GRM7: variants seen among roughly 807,000 people sequenced by gnomAD.
The protein encoded by GRM7 is glutamate metabotropic receptor 7.
GRM7 carries 35 observed loss-of-function variants against 84.5 expected under a neutral mutation model. The ratio of observed to expected loss-of-function variants is 0.41; its 90% CI spans 0.32 to 0.55. The LOEUF (loss-of-function observed/expected upper bound fraction) is 0.55, where lower values mean the gene tolerates loss of function less well. Among genes scored for constraint, GRM7 ranks in the 20% least tolerant of loss-of-function variants. The pLI is 0.19. For missense variants in GRM7, 1,003 were observed against 1,194.6 expected, an observed-to-expected ratio of 0.84 and a Z score of 2.36; for synonymous variants, 487 against 455.1, an observed-to-expected ratio of 1.07 and a Z score of -0.89.
intron 1 of GRM7, among the ~76,000 whole-genome samples, chr3:7,047,027 G>A (rs1696828219): frequency 6.6e-6 from 1 of 151,958 alleles, no homozygotes; most frequent in African/African-American, 2.4e-5. Flanking sequence ...CAGATCCAAG[G>A]ATGAAATTAG....
intron 7 of GRM7, among the ~76,000 whole-genome samples, chr3:7,576,183 T>C (rs995953313): frequency 6.6e-6 from 1 of 152,224 alleles, no homozygotes; most frequent in Non-Finnish European, 1.5e-5. Flanking sequence ...ACTCTTGAAA[T>C]TTGACATTTG....
intron 7 of GRM7, among the ~76,000 whole-genome samples, chr3:7,488,483 G>C (rs1699402833): frequency 6.6e-6 from 1 of 152,170 alleles, no homozygotes; most frequent in Admixed American, 6.5e-5. Context: ...AGTCTCACAG[G>C]AGTGAGTGAG....
chr3:7,739,076 T>C (rs1407959555), intron 9 of GRM7, among the ~76,000 whole-genome samples: 1 of 152,204 alleles, frequency 6.6e-6, no homozygotes, highest in East Asian at 1.9e-4. Flanking sequence ...TTTTGTATTT[T>C]AGTTAATAAA....
chr3:7,332,071 G>A (rs575212800), intron 4 of GRM7, among the ~76,000 whole-genome samples: 95 of 152,210 alleles, frequency 6.2e-4, no homozygotes, highest in East Asian at 3.5e-3. Flanking sequence ...TTTTCCTTTC[G>A]TCTAGAGTAG....
intron 7 of GRM7, among the ~76,000 whole-genome samples, chr3:7,479,419 G>A (rs376254868): frequency 2.6e-4 from 40 of 152,020 alleles, no homozygotes; most frequent in African/African-American, 8.4e-4. Flanking sequence ...CAAAGAGTGC[G>A]CCACGTTAGC....
At chr3:7,387,639 G>C (rs1413608572) in intron 4 of GRM7, among the ~76,000 whole-genome samples, 1 of 151,986 alleles carries the variant, frequency 6.6e-6, no homozygotes, top group Non-Finnish European at 1.5e-5. Context: ...CTGTTCCATT[G>C]GTCTAAGTGT....
intron 1 of GRM7, among the ~76,000 whole-genome samples, chr3:6,905,359 T>G (rs1214774585): frequency 1.3e-5 from 2 of 152,200 alleles, no homozygotes; most frequent in African/African-American, 4.8e-5. Context: ...TTTGTTGATA[T>G]TACAAGTGTA....
intron 1 of GRM7, among the ~76,000 whole-genome samples, chr3:7,087,702 T>G (rs1698509536): frequency 6.6e-6 from 1 of 151,462 alleles, no homozygotes; most frequent in Non-Finnish European, 1.5e-5. Context: ...CTGAAAGCTC[T>G]CTAGGGCAGG....
chr3:7,059,750 TA>T (rs1697364280), intron 1 of GRM7, among the ~76,000 whole-genome samples: 1 of 151,736 alleles, frequency 6.6e-6, no homozygotes, highest in South Asian at 2.1e-4. Context: ...AGTGCTCTTA[TA>T]AAAGTGACCC....
intron 8 of GRM7, among the ~76,000 whole-genome samples, chr3:7,584,714 C>G (rs565140613): frequency 6.6e-6 from 1 of 152,266 alleles, no homozygotes; most frequent in Non-Finnish European, 1.5e-5. Context: ...GCTTAAGGGA[C>G]TGGAAAAGAT....
intron 2 of GRM7, among the ~76,000 whole-genome samples, chr3:7,289,949 T>A (rs1699562911): frequency 1.3e-5 from 2 of 151,952 alleles, no homozygotes; most frequent in Admixed American, 1.3e-4. Flanking sequence ...ATGGCACATG[T>A]ATACATATGT....
At chr3:7,463,737 C>T (rs1698347311) in intron 7 of GRM7, among the ~76,000 whole-genome samples, 1 of 152,034 alleles carries the variant, frequency 6.6e-6, no homozygotes, top group African/African-American at 2.4e-5. Context: ...ATGATTTAAT[C>T]AGCAAGGAAA....
intron 1 of GRM7, among the ~76,000 whole-genome samples, chr3:7,105,680 TTTTC>T (rs1699268112): frequency 6.6e-6 from 1 of 151,892 alleles, no homozygotes; most frequent in South Asian, 2.1e-4. Flanking sequence ...TTTCCCTTAA[TTTTC>T]TTTCTTTCTT....
intron 8 of GRM7, among the ~76,000 whole-genome samples, chr3:7,603,968 A>G (rs973695726): frequency 6.6e-6 from 1 of 152,188 alleles, no homozygotes; most frequent in African/African-American, 2.4e-5. Context: ...GGGATAGGGG[A>G]CAGAGAAGTC....
intron 1 of GRM7, among the ~76,000 whole-genome samples, chr3:7,077,509 G>A (rs2124992438): frequency 6.6e-6 from 1 of 151,346 alleles, no homozygotes; most frequent in South Asian, 2.1e-4. Context: ...ACTCATAAGT[G>A]GGAGTTGAAC....
At chr3:7,348,026 T>C (rs111960901) in intron 4 of GRM7, among the ~76,000 whole-genome samples, 34 of 152,300 alleles carry the variant, frequency 2.2e-4, no homozygotes, top group African/African-American at 7.7e-4. Context: ...ACTGAGGCAC[T>C]TAGCAGATGA....
chr3:7,515,638 T>C (rs1700349245), intron 7 of GRM7, among the ~76,000 whole-genome samples: 1 of 152,148 alleles, frequency 6.6e-6, no homozygotes, highest in Admixed American at 6.5e-5. Flanking sequence ...AGGGGAAATC[T>C]CATAGCGCTA....
At chr3:7,200,675 C>G (rs1696035662) in intron 2 of GRM7, among the ~76,000 whole-genome samples, 1 of 152,156 alleles carries the variant, frequency 6.6e-6, no homozygotes, top group South Asian at 2.1e-4. Flanking sequence ...ATGAGAATTC[C>G]TATTTCCAAT....
At chr3:7,337,164 G>A (rs1255100252) in intron 4 of GRM7, among the ~76,000 whole-genome samples, 1 of 152,012 alleles carries the variant, frequency 6.6e-6, no homozygotes, top group African/African-American at 2.4e-5. Flanking sequence ...ACATAAAATG[G>A]AGAAAGGACA....
Sources: allele counts gnomAD v4.1 joint callset (sites outside exome capture counted in the v4.1 genomes callset), GRCh38; gene constraint gnomAD v4.1.1; transcripts MANE v1.5; gene names NCBI Gene and HGNC (gene_info 2026-07-23, HGNC 2026-07-21).